The following PDE7B variants were observed in gnomAD, a reference collection of about 807,000 sequenced individuals.
The protein encoded by PDE7B is 3',5'-cyclic-AMP phosphodiesterase 7B.
In PDE7B, 29 loss-of-function variants were observed where a neutral mutation model predicts 56.2. That is an observed-to-expected ratio of 0.52 (90% CI 0.38 to 0.70). The LOEUF (loss-of-function observed/expected upper bound fraction) is 0.70. PDE7B is among the 30% of genes least tolerant of loss of function. The probability of loss-of-function intolerance (pLI) is 0.00; values close to 1 mark genes in which losing one functional copy is unlikely to be tolerated. For synonymous variants in PDE7B, 197 were observed against 196.9 expected, an observed-to-expected ratio of 1.00 and a Z score of 0.00; for missense variants, 490 against 565.0, an observed-to-expected ratio of 0.87 and a Z score of 1.35.
chr6:135,972,309 A>T (rs1775109094), intron 2 of PDE7B, among the ~76,000 whole-genome samples: 1 of 151,170 alleles, frequency 6.6e-6, no homozygotes. Flanking sequence ...CTCATGGGTC[A>T]TGAGCTTTGA....
chr6:135,897,263 G>GGTGTGT (rs3037814), intron 1 of PDE7B, among the ~76,000 whole-genome samples: 4,263 of 149,988 alleles, frequency 0.028, 178 homozygotes, highest in African/African-American at 0.098. Flanking sequence ...ATTGTGTCAG[G>GGTGTGT]GTGTGTGTGT....
chr6:136,191,808 G>A lies in PDE7B; in HGVS notation c.1321G>A (p.Glu441Lys), dbSNP rs1023906859. The change falls in exon 13 of 13, where the codon GAG (glutamate) becomes AAG (lysine). Residue 441 changes from glutamate to lysine, a missense_variant. Glu to Lys is a moderately conservative substitution (Grantham distance 56). Coordinates refer to ENST00000308191, the MANE Select transcript of PDE7B (RefSeq NM_018945.4). The stretch of plus-strand genomic sequence containing the variant: ...CCACGACCACGCAGGCCAAGGGACT[G>A]AGAGCGAGGAGCAGGAAGGCGACAG... ...PDHDHAGQGT[E>K]SEEQEGDSP The A allele has an allele frequency of 1.9e-6, 3 of 1,556,470 alleles. No homozygotes were observed. In the African/African-American group the frequency reaches 4.1e-5, roughly 21 times the overall value.
chr6:136,012,841 T>G (rs1392159495), intron 2 of PDE7B: 1 of 152,244 alleles, frequency 6.6e-6, no homozygotes, highest in East Asian at 1.9e-4. Context: ...AATATGAAAG[T>G]AATTTCCCCC....
At chr6:136,145,958 G>A (rs1309694644) in intron 3 of PDE7B, among the ~76,000 whole-genome samples, 2 of 152,140 alleles carry the variant, frequency 1.3e-5, no homozygotes, top group Non-Finnish European at 2.9e-5. Context: ...ACCTTCACCT[G>A]AATCTCTGAT....
intron 1 of PDE7B, among the ~76,000 whole-genome samples, chr6:135,863,872 T>C (rs1161298090): frequency 1.3e-5 from 2 of 152,078 alleles, no homozygotes; most frequent in Non-Finnish European, 2.9e-5. Context: ...AAATTTTCTT[T>C]TATCATTCAG....
intron 2 of PDE7B, among the ~76,000 whole-genome samples, chr6:136,046,940 T>TGAGAAGAATGAAGATCATA (rs1173303138): frequency 6.6e-6 from 1 of 152,186 alleles, no homozygotes; most frequent in African/African-American, 2.4e-5. Context: ...CTTGCTATAA[T>TGAGAAGAATGAAGATCATA]ATTCCAAATG....
intron 2 of PDE7B, among the ~76,000 whole-genome samples, chr6:135,989,812 C>G (rs1775448616): frequency 6.6e-6 from 1 of 152,076 alleles, no homozygotes; most frequent in Admixed American, 6.6e-5. Context: ...TGGTTTCTCT[C>G]TATTTTCTTG....
At chr6:136,117,111 C>T (rs572912085) in intron 3 of PDE7B, 1 of 152,304 alleles carries the variant, frequency 6.6e-6, no homozygotes, top group Admixed American at 6.5e-5. Context: ...TACTACAGCA[C>T]TTCCTTGAGC....
rs113039546 is a variant in PDE7B, at chr6:135,912,360, G to A, written c.22-35104G>A. On this transcript the variant is annotated intron_variant, in intron 1 of 12. Coordinates refer to ENST00000308191, the MANE Select transcript of PDE7B (RefSeq NM_018945.4). Reference sequence around the variant, plus strand: ...TATAACAACTATTTACATACATAGCGTAGCATTTACTTTTTATTAGGTATT... The same window carrying A: ...TATAACAACTATTTACATACATAGCATAGCATTTACTTTTTATTAGGTATT... 4.4e-3 allele frequency among the ~76,000 whole-genome samples: 667 copies of A among 152,174 alleles called. 8 individuals are homozygous for A. Among genetic ancestry groups the A allele is most frequent in the African/African-American group, 0.014 (581 of 41,522 alleles).
chr6:136,008,146 C>T (rs1021792339), intron 2 of PDE7B, among the ~76,000 whole-genome samples: 43 of 152,126 alleles, frequency 2.8e-4, no homozygotes, highest in African/African-American at 1.0e-3. Context: ...ATCCATGTCC[C>T]TACAAAGGAC....
intron 2 of PDE7B, among the ~76,000 whole-genome samples, chr6:136,042,417 C>T (rs1776428050): frequency 6.6e-6 from 1 of 152,216 alleles, no homozygotes; most frequent in Non-Finnish European, 1.5e-5. Flanking sequence ...TAACCGCAAA[C>T]TCTGCAACTG....
chr6:136,060,183 A>C lies in PDE7B; in HGVS notation c.83-48548A>C, dbSNP rs1404616441. ...CTTCTTTAGCTAATCATTATTTTGC[A>C]GAGCATTTTTCCTGAATAAGGATGA... On this transcript the variant is annotated intron_variant, in intron 2 of 12. Coordinates refer to ENST00000308191, the MANE Select transcript of PDE7B (RefSeq NM_018945.4). Among the ~76,000 whole-genome samples, 5 of 152,340 alleles carry C rather than the reference A, an allele frequency of 3.3e-5. No individual in the cohort carries two copies. The East Asian group carries it at 9.6e-4, about 29-fold the overall frequency.
chr6:135,969,067 A>G (rs1251276385), intron 2 of PDE7B, among the ~76,000 whole-genome samples: 4 of 152,224 alleles, frequency 2.6e-5, no homozygotes. Context: ...GTTCTCACTT[A>G]TAAATGGCAG....
intron 2 of PDE7B, among the ~76,000 whole-genome samples, chr6:135,989,218 A>T (rs900899591): frequency 2.6e-5 from 4 of 152,240 alleles, no homozygotes; most frequent in African/African-American, 9.6e-5. Flanking sequence ...GACTAAACTT[A>T]CTAGAAAATG....
rs368742981 is a variant in PDE7B at position 136,006,291 on chromosome 6, C to T, written c.82+58767C>T. Reference sequence around the variant, plus strand: ...TAATGGGTGCAGCACACCAGCATGACACATGTATACATATGTAACTAACCT... The same window carrying T: ...TAATGGGTGCAGCACACCAGCATGATACATGTATACATATGTAACTAACCT... On this transcript the variant is annotated intron_variant, in intron 2 of 12. Transcript: ENST00000308191. 9.2e-5 allele frequency among the ~76,000 whole-genome samples: 14 copies of T among 151,482 alleles called. 1 individual carries two copies. The highest frequency in any genetic ancestry group is 5.3e-4 in the Admixed American group (8 of 15,236).
At chr6:136,051,762 A>G (rs1776633857) in intron 2 of PDE7B, among the ~76,000 whole-genome samples, 1 of 152,202 alleles carries the variant, frequency 6.6e-6, no homozygotes, top group African/African-American at 2.4e-5. Flanking sequence ...ATTTCTTACC[A>G]TATCCAAAGT....
At position 135,868,305 on chromosome 6, in the gene PDE7B, A is replaced by C. The variant is rs189328621; in HGVS notation, c.21+16286A>C. ...CATTGTTCCACAGGTAGATGCCAGC[A>C]TGGCCATATCAATCATTCACCTCTG... On this transcript the variant is annotated intron_variant, in intron 1 of 12. Transcript: ENST00000308191. Among the ~76,000 whole-genome samples the C allele has an allele frequency of 1.5e-3, 221 of 152,310 alleles. 1 individual carries two copies. The highest frequency in any genetic ancestry group is 5.0e-3 in the African/African-American group (209 of 41,570).
intron 8 of PDE7B, among the ~76,000 whole-genome samples, chr6:136,173,095 T>C (rs1469927024): frequency 3.3e-5 from 5 of 152,110 alleles, no homozygotes; most frequent in African/African-American, 1.2e-4. Context: ...AATTTATAGA[T>C]TCAATGCCAT....
chr6:136,003,050 C>T (rs1775704156), intron 2 of PDE7B, among the ~76,000 whole-genome samples: 1 of 151,972 alleles, frequency 6.6e-6, no homozygotes, highest in South Asian at 2.1e-4. Flanking sequence ...AAGAAACTCA[C>T]TCAAAACCAC....
Sources: allele counts gnomAD v4.1 joint callset (sites outside exome capture counted in the v4.1 genomes callset), GRCh38; gene constraint gnomAD v4.1.1; transcripts MANE v1.5; gene names NCBI Gene and HGNC (gene_info 2026-07-23, HGNC 2026-07-21).